MANSC1: variants seen among roughly 807,000 people sequenced by gnomAD.
MANSC1 encodes MANSC domain-containing protein 1.
Under a neutral mutation model 14.1 loss-of-function variants are expected in MANSC1, and 13 were observed. The ratio of observed to expected loss-of-function variants is 0.92; its 90% CI spans 0.60 to 1.46. The LOEUF is 1.46. MANSC1 is among the 40% of genes most tolerant of loss of function. MANSC1 has a pLI of 0.00. For missense variants in MANSC1, 486 were observed against 511.4 expected (o/e 0.95, Z 0.48); for synonymous variants, 227 against 200.7 (o/e 1.13, Z -1.11).
intron 3 of MANSC1, among the ~76,000 whole-genome samples, chr12:12,331,636 T>A (rs1862791252): frequency 6.6e-6 from 1 of 151,378 alleles, no homozygotes; most frequent in South Asian, 2.1e-4. Flanking sequence ...GCAAGAAAGG[T>A]ATGTGGAAGC....
At chr12:12,337,288 A>C (rs1181676364) in intron 3 of MANSC1, among the ~76,000 whole-genome samples, 3 of 145,924 alleles carry the variant, frequency 2.1e-5, no homozygotes, top group Non-Finnish European at 4.5e-5. Flanking sequence ...AAAAACAACA[A>C]CACTCATGCC....
intron 3 of MANSC1, among the ~76,000 whole-genome samples, chr12:12,337,792 T>C (rs1565798815): frequency 6.6e-6 from 1 of 152,206 alleles, no homozygotes; most frequent in Non-Finnish European, 1.5e-5. Context: ...CCAGGAATTA[T>C]ATTAATTTTT....
At chr12:12,339,501 C>G (rs1319089766) in intron 2 of MANSC1, among the ~76,000 whole-genome samples, 1 of 152,090 alleles carries the variant, frequency 6.6e-6, no homozygotes, top group Non-Finnish European at 1.5e-5. Flanking sequence ...CTCCTGGGCT[C>G]AAGCTGTTTG....
chr12:12,330,110 C>G lies in MANSC1; in HGVS notation c.1213G>C (p.Gly405Arg), dbSNP rs1862761675. ...LFLVIGLVLL[G>R]RILSESLRRK... ...CGGAGTGATTCCGAGAGGATTCTACCCAGGAGGACGAGGCCTATCACCAGG... is the reference window on the plus strand; with the variant it reads ...CGGAGTGATTCCGAGAGGATTCTACGCAGGAGGACGAGGCCTATCACCAGG... The change falls in exon 4 of 4, where the codon GGT becomes CGT. Residue 405 changes from glycine (G) to arginine (R), a missense_variant. Gly to Arg is a moderately radical substitution (Grantham distance 125). Transcript: ENST00000535902. 6.2e-7 allele frequency: 1 copy of G among 1,614,020 alleles called. No individual in the cohort carries two copies. The highest frequency in any genetic ancestry group is 1.1e-5 in the South Asian group (1 of 91,080).
intron 1 of MANSC1, among the ~76,000 whole-genome samples, chr12:12,344,534 A>G (rs575537866): frequency 1.2e-3 from 176 of 151,348 alleles, no homozygotes; most frequent in African/African-American, 4.1e-3. Context: ...CAGTGGCACA[A>G]TCTCGGCTCA....
chr12:12,343,316 T>C lies in MANSC1; in HGVS notation c.-2A>G. On this transcript the variant is annotated 5_prime_UTR_variant, in exon 2 of 4. Coordinates refer to ENST00000535902, the MANE Select transcript of MANSC1 (RefSeq NM_018050.4). ...GCTCCCTTCTCCCCCGAAGAACATT[T>C]TAAATTTCAGTTTAGTTTTGGTCTT... The C allele has an allele frequency of 9.9e-6, 16 of 1,611,860 alleles. No individual in the cohort carries two copies. The highest frequency in any genetic ancestry group is 1.4e-5 in the Non-Finnish European group (16 of 1,178,044).
intron 2 of MANSC1, among the ~76,000 whole-genome samples, chr12:12,342,021 G>A (rs1194899747): frequency 1.3e-5 from 2 of 152,200 alleles, no homozygotes; most frequent in African/African-American, 4.8e-5. Flanking sequence ...AAAGTCCACT[G>A]CAGCCTCAAC....
intron 2 of MANSC1, chr12:12,339,068 C>T (rs1862900502): frequency 6.1e-6 from 1 of 163,848 alleles, no homozygotes. Flanking sequence ...AGATAGAAGA[C>T]AACCACACAC....
At chr12:12,338,369 C>T (rs752897242) in intron 3 of MANSC1, 51 bp downstream of exon 3, 1 of 1,438,222 alleles carries the variant, frequency 7.0e-7, no homozygotes, top group Non-Finnish European at 9.3e-7. Flanking sequence ...TCACATGAAC[C>T]AGTCTTAAAT....
At chr12:12,337,267 A>ACT (rs1384356512) in intron 3 of MANSC1, among the ~76,000 whole-genome samples, 1 of 150,748 alleles carries the variant, frequency 6.6e-6, no homozygotes, top group African/African-American at 2.4e-5. Context: ...ACAGAGTGAG[A>ACT]CTCTCTCTCA....
chr12:12,331,391 C>T (rs952782956), intron 3 of MANSC1, among the ~76,000 whole-genome samples: 3 of 152,086 alleles, frequency 2.0e-5, no homozygotes, highest in Non-Finnish European at 2.9e-5. Context: ...AGCAGAGAAG[C>T]CGGAGGGGCT....
In MANSC1 at chr12:12,331,588, T is replaced by A. The variant is rs146400183; in HGVS notation, c.365-630A>T. On this transcript the variant is annotated intron_variant, in intron 3 of 3. Coordinates refer to ENST00000535902, the MANE Select transcript of MANSC1 (RefSeq NM_018050.4). ...ACTGAGATGACAAATGGGGAGCAAG[T>A]AATCATCAGGAGAGATTTCAGTGGG... Among the ~76,000 whole-genome samples the A allele has an allele frequency of 2.6e-5, 4 of 152,182 alleles. No homozygotes were observed. In the East Asian group the frequency reaches 7.7e-4, roughly 29 times the overall value.
rs1254787998 is a variant in MANSC1 at position 12,329,025 on chromosome 12, C to CACACA, written c.*1001_*1002insTGTGT. 8 of 152,132 alleles carry CACACA rather than the reference C, an allele frequency of 5.3e-5. No homozygotes were observed. The highest frequency in any genetic ancestry group is 1.5e-4 in the African/African-American group (6 of 40,146). 9.4% of individuals were successfully genotyped at this position (152,132 alleles called of 1,614,324 possible). A position where few individuals can be genotyped will look rare whatever the true frequency, so the allele number is the denominator to read the frequency against. On this transcript the variant is annotated 3_prime_UTR_variant, in exon 4 of 4. Transcript: ENST00000535902. ...ACACACACACACACACACACACACA[C>CACACA]AAGTTAACTAGAACAGATCCCAAGT...
chr12:12,337,407 C>T (rs1048545348), intron 3 of MANSC1, among the ~76,000 whole-genome samples: 9 of 151,832 alleles, frequency 5.9e-5, no homozygotes, highest in Non-Finnish European at 1.2e-4. Context: ...AGTACAAAAA[C>T]AAAATTAGCC....
At chr12:12,344,919 A>G (rs1316023833) in intron 1 of MANSC1, among the ~76,000 whole-genome samples, 1 of 13,276 alleles carries the variant, frequency 7.5e-5, no homozygotes, top group Non-Finnish European at 1.5e-4. Context: ...AAACTCCCAT[A>G]TATATATATA....
In MANSC1 at chr12:12,330,507, G is replaced by A. The variant is rs376182046; in HGVS notation, c.816C>T (p.Thr272=). ...TCGTGGGAGGCTGAGAAGTGACAGT[G>A]GTTACAGGTGGAGCTGTGGTGGCCA... The part of the protein sequence containing the change: ...PQLATTAPPV[T]TVTSQPPTTL... The change falls in exon 4 of 4, where the codon ACC becomes ACT. Residue 272 remains threonine (T), a synonymous_variant. Coordinates refer to ENST00000535902, the MANE Select transcript of MANSC1 (RefSeq NM_018050.4). The A allele has an allele frequency of 1.3e-4, 208 of 1,614,088 alleles. No homozygotes were observed. Among genetic ancestry groups the A allele is most frequent in the Non-Finnish European group, 1.7e-4 (195 of 1,180,046 alleles).
At position 12,349,566 on chromosome 12, in the gene MANSC1, A is replaced by G. The variant is rs369954207; in HGVS notation, c.-101+512T>C. On this transcript the variant is annotated intron_variant, in intron 1 of 3. Transcript: ENST00000535902. ...GGGTAAAAGGATACAGGCGGGTGAG[A>G]GAGGATGCCCCTGAGTTTTAACGTC... 5.4e-4 allele frequency among the ~76,000 whole-genome samples: 83 copies of G among 152,302 alleles called. No individual in the cohort carries two copies. In the East Asian group the frequency reaches 0.013, roughly 23 times the overall value.
chr12:12,337,706 C>CA (rs1203052456), intron 3 of MANSC1, among the ~76,000 whole-genome samples: 2 of 151,504 alleles, frequency 1.3e-5, no homozygotes, highest in African/African-American at 2.4e-5. Context: ...TGGATAATCT[C>CA]AAAAAAAAGA....
In MANSC1 at chr12:12,329,990, G is replaced by T. The variant is rs769590861; in HGVS notation, c.*37C>A. The T allele has an allele frequency of 5.3e-5, 82 of 1,558,070 alleles. 1 individual carries two copies. The Middle Eastern group carries it at 2.2e-3, about 42-fold the overall frequency. On this transcript the variant is annotated 3_prime_UTR_variant, in exon 4 of 4. Transcript: ENST00000535902. ...AGAAACTCATTGCATTTGGGCTTCTGGTTACTAAATGAATTAAGAGACACC... is the reference window on the plus strand; with the variant it reads ...AGAAACTCATTGCATTTGGGCTTCTTGTTACTAAATGAATTAAGAGACACC...
Sources: gnomAD v4.1 joint callset for allele counts (sites outside exome capture counted in the v4.1 genomes callset) on GRCh38, gnomAD v4.1.1 for gene constraint, MANE v1.5 for transcripts, NCBI Gene and HGNC (gene_info 2026-07-23, HGNC 2026-07-21) for gene names.